SNTG2: variants seen among roughly 807,000 people sequenced by gnomAD.
SNTG2 encodes syntrophin gamma 2, also known as gamma-2-syntrophin.
SNTG2 carries 74 observed loss-of-function variants against 70.9 expected under a neutral mutation model. That is an observed-to-expected ratio of 1.04 (90% CI 0.86 to 1.27). The LOEUF is 1.27. SNTG2 is among the 50% of genes most tolerant of loss of function. The pLI is 0.00. For missense variants in SNTG2, 717 were observed against 690.7 expected, an observed-to-expected ratio of 1.04 and a Z score of -0.43; for synonymous variants, 278 against 273.8, an observed-to-expected ratio of 1.02 and a Z score of -0.15.
intron 1 of SNTG2, among the ~76,000 whole-genome samples, chr2:993,841 G>T (rs1037729399): frequency 1.3e-5 from 2 of 151,746 alleles, no homozygotes; most frequent in African/African-American, 4.8e-5. Flanking sequence ...ATTTTTAATT[G>T]GATTATTTAT....
chr2:1,106,297 G>A (rs1666144367), intron 4 of SNTG2, among the ~76,000 whole-genome samples: 1 of 124,828 alleles, frequency 8.0e-6, no homozygotes, highest in Non-Finnish European at 1.7e-5. Flanking sequence ...GCTGTCACTC[G>A]GGTGCAGGGT....
intron 12 of SNTG2, among the ~76,000 whole-genome samples, chr2:1,249,114 C>T (rs1318887558): frequency 6.6e-6 from 1 of 152,150 alleles, no homozygotes; most frequent in Non-Finnish European, 1.5e-5. Flanking sequence ...GCTTGTAGTG[C>T]ACTTCTGTCC....
chr2:1,063,246 G>A (rs1011088594), intron 1 of SNTG2, among the ~76,000 whole-genome samples: 1 of 152,046 alleles, frequency 6.6e-6, no homozygotes, highest in South Asian at 2.1e-4. Flanking sequence ...TGATGCTGCC[G>A]GGCTCCTCAC....
intron 16 of SNTG2, among the ~76,000 whole-genome samples, chr2:1,346,817 C>T (rs781580787): frequency 1.3e-5 from 2 of 151,972 alleles, no homozygotes; most frequent in African/African-American, 2.4e-5. Context: ...TATCTCCAAG[C>T]GGGGGCTTAC....
At chr2:1,359,599 T>C (rs1047589527) in intron 16 of SNTG2, among the ~76,000 whole-genome samples, 3 of 152,164 alleles carry the variant, frequency 2.0e-5, no homozygotes, top group Admixed American at 2.0e-4. Flanking sequence ...TATAGTTAGG[T>C]CTCAATGTTT....
intron 14 of SNTG2, among the ~76,000 whole-genome samples, chr2:1,299,243 C>T (rs1026420283): frequency 7.9e-5 from 12 of 152,218 alleles, no homozygotes; most frequent in African/African-American, 2.9e-4. Context: ...TGGTCTAGCC[C>T]TGCGCACATT....
chr2:1,151,131 T>C (rs1234361817), intron 6 of SNTG2, among the ~76,000 whole-genome samples: 1 of 151,162 alleles, frequency 6.6e-6, no homozygotes, highest in Non-Finnish European at 1.5e-5. Context: ...GTGCATGATT[T>C]TGGAAGAAAC....
intron 1 of SNTG2, among the ~76,000 whole-genome samples, chr2:1,062,395 A>G (rs901823328): frequency 6.6e-6 from 1 of 152,224 alleles, no homozygotes; most frequent in African/African-American, 2.4e-5. Flanking sequence ...AGTGGGGGCT[A>G]TATTATTAGA....
chr2:1,195,210 T>C (rs559214061), intron 8 of SNTG2, among the ~76,000 whole-genome samples: 2 of 152,320 alleles, frequency 1.3e-5, no homozygotes, highest in East Asian at 1.9e-4. Flanking sequence ...GTCTTTATAG[T>C]AGAATTATTT....
intron 14 of SNTG2, among the ~76,000 whole-genome samples, chr2:1,287,111 T>C (rs915185449): frequency 6.6e-6 from 1 of 152,172 alleles, no homozygotes; most frequent in African/African-American, 2.4e-5. Context: ...CTTTGCTCAC[T>C]CTGTGCTTTT....
At chr2:983,301 GGAGGTGGTGGTCA>G (rs1558293458) in intron 1 of SNTG2, among the ~76,000 whole-genome samples, 22 of 89,472 alleles carry the variant, frequency 2.5e-4, no homozygotes, top group Non-Finnish European at 3.8e-4. Context: ...TAGAAGCTGC[GGAGGTGGTGGTCA>G]GGATGAAGAA....
chr2:1,278,695 A>C (rs1679372536), intron 14 of SNTG2, among the ~76,000 whole-genome samples: 1 of 152,234 alleles, frequency 6.6e-6, no homozygotes, highest in Non-Finnish European at 1.5e-5. Flanking sequence ...AACGAAGAGC[A>C]AAGAAAACCC....
rs1162423704 is a variant in SNTG2, at chr2:1,259,436, C to G, written c.1072C>G (p.His358Asp). The change falls in exon 13 of 17, where the codon CAC becomes GAC. Residue 358 changes from histidine (H) to aspartate (D), a missense_variant. Physicochemically the swap from His to Asp is moderately conservative, Grantham distance 81. Transcript: ENST00000308624. ...YHLCEVLFKV[H>D]KFWLTEDCWL... ...CCTCTGTGAGGTGCTATTTAAAGTT[C>G]ACAAGGTAGGTATCTTTTGCACTTC... 6.2e-7 allele frequency: 1 copy of G among 1,613,656 alleles called. No homozygotes were observed. Among genetic ancestry groups the G allele is most frequent in the South Asian group, 1.1e-5 (1 of 91,062 alleles).
chr2:1,154,954 C>T (rs1669762839), intron 6 of SNTG2, among the ~76,000 whole-genome samples: 1 of 50,498 alleles, frequency 2.0e-5, no homozygotes, highest in East Asian at 2.7e-4. Context: ...CATAAACTCA[C>T]ACCACACACA....
intron 7 of SNTG2, among the ~76,000 whole-genome samples, chr2:1,172,803 G>T (rs1263429914): frequency 6.6e-6 from 1 of 152,146 alleles, no homozygotes; most frequent in Non-Finnish European, 1.5e-5. Flanking sequence ...GACAGGGAGG[G>T]CCTGAGCTGC....
At chr2:1,255,832 A>ATTT (rs376993994) in intron 12 of SNTG2, among the ~76,000 whole-genome samples, 5 of 41,692 alleles carry the variant, frequency 1.2e-4, no homozygotes, top group Non-Finnish European at 2.1e-4. Flanking sequence ...ATATATATAT[A>ATTT]AATATATATA....
chr2:1,011,674 T>A (rs1369587427), intron 1 of SNTG2, among the ~76,000 whole-genome samples: 1 of 136,954 alleles, frequency 7.3e-6, no homozygotes, highest in East Asian at 1.9e-4. Context: ...TTAATATAAT[T>A]GCAGGCTTTT....
intron 8 of SNTG2, among the ~76,000 whole-genome samples, chr2:1,175,484 G>C (rs1436560520): frequency 2.0e-5 from 3 of 152,120 alleles, no homozygotes; most frequent in Admixed American, 2.0e-4. Flanking sequence ...TTGGGATTTT[G>C]ACTGTAATTG....
At chr2:1,124,395 T>C (rs1045758687) in intron 4 of SNTG2, among the ~76,000 whole-genome samples, 2 of 151,866 alleles carry the variant, frequency 1.3e-5, no homozygotes, top group African/African-American at 4.8e-5. Context: ...CCCAGGTTCA[T>C]GCCATTCTCC....
Sources: allele counts gnomAD v4.1 joint callset (sites outside exome capture counted in the v4.1 genomes callset), GRCh38; gene constraint gnomAD v4.1.1; transcripts MANE v1.5; gene names NCBI Gene and HGNC (gene_info 2026-07-23, HGNC 2026-07-21).